The following IL1RAP variants were observed in gnomAD, a reference collection of about 807,000 sequenced individuals.
The protein encoded by IL1RAP is interleukin 1 receptor accessory protein.
IL1RAP carries 35 observed loss-of-function variants against 60.7 expected under a neutral mutation model. The ratio of observed to expected loss-of-function variants is 0.58; its 90% CI spans 0.44 to 0.76. The LOEUF is 0.76. Among genes scored for constraint, IL1RAP ranks in the 30% least tolerant of loss-of-function variants. The probability of loss-of-function intolerance (pLI) is 0.00; values close to 1 mark genes in which losing one functional copy is unlikely to be tolerated. For synonymous variants in IL1RAP, 268 were observed against 250.9 expected, an observed-to-expected ratio of 1.07 and a Z score of -0.64; for missense variants, 572 against 693.9, an observed-to-expected ratio of 0.82 and a Z score of 1.97.
chr3:190,608,897 T>C, intron 4 of IL1RAP, 98 bp from the exon 5 acceptor site: 1 of 852,740 alleles, frequency 1.2e-6, no homozygotes, highest in South Asian at 1.7e-5. Context: ...AAATGATGTC[T>C]CCGTATGTAG....
intron 3 of IL1RAP, among the ~76,000 whole-genome samples, chr3:190,588,322 C>T (rs1418279814): frequency 2.0e-5 from 3 of 152,194 alleles, no homozygotes; most frequent in African/African-American, 4.8e-5. Context: ...CCATGTTGGC[C>T]AGGTTGGTCT....
chr3:190,652,879 A>G (rs998141591), downstream of IL1RAP, among the ~76,000 whole-genome samples: 3 of 152,188 alleles, frequency 2.0e-5, no homozygotes, highest in African/African-American at 7.2e-5. Context: ...AGCATTTTGC[A>G]TATGATCTAC....
rs111569200 is a variant in IL1RAP, at chr3:190,619,602, G to A, written c.538-673G>A. Among the ~76,000 whole-genome samples the A allele has an allele frequency of 9.1e-3, 1,381 of 152,000 alleles. 20 individuals carry two copies. Among genetic ancestry groups the A allele is most frequent in the African/African-American group, 0.03 (1,231 of 41,426 alleles). On this transcript the variant is annotated intron_variant, in intron 5 of 11. Transcript: ENST00000447382. ...TAGCCAGGCATGGTGGCGCGCACCT[G>A]TACTCCCAGCTTCTCAGGAGACTGA... is the stretch of plus-strand genomic sequence containing the variant.
chr3:190,609,997 A>G (rs917561229), intron 5 of IL1RAP, among the ~76,000 whole-genome samples: 1 of 152,200 alleles, frequency 6.6e-6, no homozygotes, highest in Non-Finnish European at 1.5e-5. Flanking sequence ...TTTGCTCTCT[A>G]ATAAGGGGTA....
chr3:190,656,373 C>T, downstream of IL1RAP: 1 of 1,537,224 alleles, frequency 6.5e-7, no homozygotes, highest in Non-Finnish European at 8.7e-7. Context: ...CCGCCACCTG[C>T]CGCTGTTGTG....
intron 5 of IL1RAP, among the ~76,000 whole-genome samples, chr3:190,616,015 A>G (rs1490200842): frequency 6.6e-6 from 1 of 152,186 alleles, no homozygotes; most frequent in East Asian, 1.9e-4. Context: ...AGTATGTACC[A>G]TATTTTCTTT....
intron 9 of IL1RAP, among the ~76,000 whole-genome samples, chr3:190,631,410 A>C (rs1732777323): frequency 6.6e-6 from 1 of 152,146 alleles, no homozygotes; most frequent in Admixed American, 6.5e-5. Flanking sequence ...CAGTGTCAGG[A>C]ATGTGAAGTG....
intron 3 of IL1RAP, among the ~76,000 whole-genome samples, chr3:190,584,055 C>G (rs1005378218): frequency 1.3e-5 from 2 of 152,292 alleles, no homozygotes; most frequent in African/African-American, 2.4e-5. Context: ...GCCGTCCCCC[C>G]ACACCCAGTC....
At chr3:190,589,062 A>C (rs1355103912) in intron 3 of IL1RAP, among the ~76,000 whole-genome samples, 4 of 152,110 alleles carry the variant, frequency 2.6e-5, no homozygotes, top group Admixed American at 6.5e-5. Flanking sequence ...TGATCTGTAT[A>C]ATGTGTCATG....
chr3:190,524,077 T>C (rs1722304657), intron 1 of IL1RAP, among the ~76,000 whole-genome samples: 1 of 152,080 alleles, frequency 6.6e-6, no homozygotes, highest in African/African-American at 2.4e-5. Context: ...TGTGAGATGG[T>C]ATCTCGTTGT....
Position 190,619,864 on chromosome 3 carries a change from C to T in IL1RAP, c.538-411C>T, listed in dbSNP as rs547935795. Among the ~76,000 whole-genome samples, 3 of 152,098 alleles carry T rather than the reference C, an allele frequency of 2.0e-5. No individual in the cohort carries two copies. The East Asian group carries it at 5.8e-4, about 29-fold the overall frequency. ...GATTATCAGACGGAGTGACTGGAGT[C>T]CCAAATTAATATAATCAGTGAAGAA... On this transcript the variant is annotated intron_variant, in intron 5 of 11. Coordinates refer to ENST00000447382, the MANE Select transcript of IL1RAP (RefSeq NM_002182.4).
intron 3 of IL1RAP, among the ~76,000 whole-genome samples, chr3:190,582,884 T>C (rs1728128939): frequency 6.6e-6 from 1 of 152,226 alleles, no homozygotes. Flanking sequence ...TCCTTGCCCC[T>C]GGCAGTGAAG....
At chr3:190,524,775 G>T (rs757305270) in intron 1 of IL1RAP, among the ~76,000 whole-genome samples, 80 of 152,078 alleles carry the variant, frequency 5.3e-4, no homozygotes, top group Non-Finnish European at 9.9e-4. Flanking sequence ...GTGATTATTT[G>T]TCCCCAAGAA....
At chr3:190,566,216 A>C (rs1726384278) in intron 3 of IL1RAP, among the ~76,000 whole-genome samples, 2 of 152,144 alleles carry the variant, frequency 1.3e-5, no homozygotes, top group Admixed American at 6.6e-5. Flanking sequence ...TGCTCAATAC[A>C]TAGGTGTTAA....
At position 190,651,146 on chromosome 3, in the gene IL1RAP, AG is replaced by A; in HGVS notation, c.*2442del. The A allele has an allele frequency of 1.0e-6, 1 of 984,310 alleles. No individual in the cohort carries two copies. The highest frequency in any genetic ancestry group is 1.2e-6 in the Non-Finnish European group (1 of 828,928). The allele number at this position is 984,310 out of a possible 1,614,324, so 61.0% of individuals were successfully genotyped here. ...ATGGGGAAACATAATTTAGAGAACA[AG>A]AACAAACCATGTCTCAAATTTTTTT... On this transcript the variant is annotated 3_prime_UTR_variant, in exon 12 of 12. Coordinates refer to ENST00000447382, the MANE Select transcript of IL1RAP (RefSeq NM_002182.4).
intron 1 of IL1RAP, among the ~76,000 whole-genome samples, chr3:190,534,913 T>TAA (rs77663032): frequency 0.018 from 2,324 of 127,356 alleles, 74 homozygotes; most frequent in African/African-American, 0.064. Context: ...GTAAGAGAAT[T>TAA]AAAAAAAAAA....
intron 1 of IL1RAP, among the ~76,000 whole-genome samples, chr3:190,540,737 C>T (rs998747257): frequency 6.6e-6 from 1 of 151,950 alleles, no homozygotes; most frequent in African/African-American, 2.4e-5. Flanking sequence ...GAGAAATTCT[C>T]TCTATAAAAG....
intron 3 of IL1RAP, among the ~76,000 whole-genome samples, chr3:190,576,566 G>T (rs1292192701): frequency 1.3e-5 from 2 of 152,038 alleles, no homozygotes; most frequent in East Asian, 3.9e-4. Context: ...CATCAGTCTG[G>T]CAGAGATTAA....
chr3:190,522,896 G>A (rs1284990782), intron 1 of IL1RAP, among the ~76,000 whole-genome samples: 1 of 152,054 alleles, frequency 6.6e-6, no homozygotes, highest in Non-Finnish European at 1.5e-5. Flanking sequence ...AGTACTCAGA[G>A]GCAGGATATT....
Sources: allele counts gnomAD v4.1 joint callset (sites outside exome capture counted in the v4.1 genomes callset), GRCh38; gene constraint gnomAD v4.1.1; transcripts MANE v1.5; gene names NCBI Gene and HGNC (gene_info 2026-07-23, HGNC 2026-07-21).